DPP8: variants seen among roughly 807,000 people sequenced by gnomAD.
DPP8 encodes the protein dipeptidyl peptidase 8, also known as DPP VIII.
In DPP8, 31 loss-of-function variants were observed where a neutral mutation model predicts 107.5. That is an observed-to-expected ratio of 0.29 (90% confidence interval 0.22 to 0.39). The LOEUF is 0.39. Ranked by LOEUF, DPP8 falls within the 10% of genes least tolerant of loss-of-function variation. DPP8 has a pLI of 1.00. For missense variants in DPP8, 842 were observed against 1,076.1 expected (o/e 0.78, Z 3.04); for synonymous variants, 381 against 356.6 (o/e 1.07, Z -0.77).
chr15:65,512,507 T>C lies in DPP8; in HGVS notation c.47A>G (p.Glu16Gly), dbSNP rs758686723. ...AATATTCTCCTCACAGTCCGCAGTT[T>C]CAAATATCTCAACACCCAGCTGTTC... The part of the protein sequence containing the change: ...ETEQLGVEIF[E>G]TADCEENIES... The change falls in exon 2 of 20, where the codon GAA (glutamate) becomes GGA (glycine). Residue 16 changes from glutamate (E) to glycine (G), a missense_variant. This residue lies in a region of DPP8 where 663 missense variants were observed against 758.0 expected (regional missense o/e 0.87). Coordinates refer to ENST00000300141, the MANE Select transcript of DPP8 (RefSeq NM_130434.5). 1.9e-6 allele frequency: 3 copies of C among 1,614,152 alleles called. No homozygotes were observed. In the East Asian group the frequency reaches 6.7e-5, roughly 36 times the overall value.
chr15:65,517,672 G>C lies in DPP8; in HGVS notation c.-198C>G, dbSNP rs1438632715. 1 of 152,362 alleles carries C rather than the reference G, an allele frequency of 6.6e-6. No individual in the cohort carries two copies. Among genetic ancestry groups the C allele is most frequent in the Non-Finnish European group, 1.5e-5 (1 of 68,166 alleles). The allele number at this position is 152,362 out of a possible 1,614,324, so 9.4% of individuals were successfully genotyped here. A position where few individuals can be genotyped will look rare whatever the true frequency, so the allele number is the denominator to read the frequency against. On this transcript the variant is annotated 5_prime_UTR_variant, in exon 1 of 20. Coordinates refer to ENST00000300141, the MANE Select transcript of DPP8 (RefSeq NM_130434.5). ...CGGCAGTAGCAGCGGCCTTGGCCTC[G>C]GAGGCTTTAGCACTTCCGGTTCGTT...
At chr15:65,474,073 C>T (rs2066163643) in intron 12 of DPP8, 136 bp downstream of exon 12, 1 of 658,586 alleles carries the variant, frequency 1.5e-6, no homozygotes, top group East Asian at 2.8e-5. Flanking sequence ...CATTGCACTC[C>T]AGCCCTAGGC....
At chr15:65,475,424 A>G in intron 11 of DPP8, 1 of 1,572,888 alleles carries the variant, frequency 6.4e-7, no homozygotes, top group East Asian at 2.3e-5. Context: ...ACTCAAATAT[A>G]CCTTATTATG....
intron 7 of DPP8, among the ~76,000 whole-genome samples, chr15:65,486,471 C>A (rs1479447727): frequency 6.6e-6 from 1 of 151,838 alleles, no homozygotes; most frequent in African/African-American, 2.4e-5. Flanking sequence ...GGGAAAATGG[C>A]CTGAGCCCAG....
intron 5 of DPP8, among the ~76,000 whole-genome samples, chr15:65,492,939 T>A (rs620188): frequency 0.88 from 134,048 of 152,148 alleles, 59,853 homozygotes; most frequent in East Asian, 0.95. Flanking sequence ...TTTTGCTTAT[T>A]TATATTTTCT....
chr15:65,501,922 C>T (rs1007740918), intron 3 of DPP8, among the ~76,000 whole-genome samples: 8 of 152,336 alleles, frequency 5.3e-5, no homozygotes, highest in Admixed American at 5.2e-4. Flanking sequence ...AAAACTCTCA[C>T]TCTGTTGCCC....
At chr15:65,505,905 G>A (rs925604700) in intron 3 of DPP8, among the ~76,000 whole-genome samples, 2 of 148,860 alleles carry the variant, frequency 1.3e-5, no homozygotes, top group Non-Finnish European at 3.0e-5. Flanking sequence ...AGCCAAGATT[G>A]CGCCACTGCG....
chr15:65,465,594 C>T (rs558376046), intron 14 of DPP8, among the ~76,000 whole-genome samples: 4 of 139,316 alleles, frequency 2.9e-5, no homozygotes, highest in East Asian at 2.1e-4. Flanking sequence ...TTGACTCCGT[C>T]GCCCAGGCTG....
intron 12 of DPP8, among the ~76,000 whole-genome samples, chr15:65,471,519 T>TG (rs1357683439): frequency 1.3e-5 from 2 of 151,340 alleles, no homozygotes; most frequent in African/African-American, 4.9e-5. Context: ...GCCTATTTTT[T>TG]TTTTTTTTTT....
intron 2 of DPP8, among the ~76,000 whole-genome samples, chr15:65,511,559 G>A (rs1318956155): frequency 6.7e-6 from 1 of 149,172 alleles, no homozygotes; most frequent in Non-Finnish European, 1.5e-5. Flanking sequence ...AGGACTGTTT[G>A]AGCCTGGGAG....
rs371508113 is a variant in DPP8, at chr15:65,466,844, G to A, written c.1690-31C>T. On this transcript the variant is annotated intron_variant, in intron 13 of 19. Transcript: ENST00000300141. ...GAAAGGAGAAACAATTATATTTTTC[G>A]TCAGGAAGGTAGAAAAGGTTATCTG... 1.3e-4 allele frequency: 212 copies of A among 1,600,152 alleles called. 1 individual carries two copies. The highest frequency in any genetic ancestry group is 8.3e-4 in the Middle Eastern group (5 of 6,032).
chr15:65,469,872 A>G (rs1421998091), intron 12 of DPP8, among the ~76,000 whole-genome samples: 2 of 151,796 alleles, frequency 1.3e-5, no homozygotes, highest in Non-Finnish European at 2.9e-5. Flanking sequence ...TAAAAGTCTT[A>G]AAGCTTTACC....
chr15:65,480,236 C>T lies in DPP8; in HGVS notation c.1282G>A (p.Asp428Asn), dbSNP rs2066793540. 4 of 1,612,498 alleles carry T rather than the reference C, an allele frequency of 2.5e-6. No homozygotes were observed. Among genetic ancestry groups the T allele is most frequent in the South Asian group, 1.1e-5 (1 of 90,862 alleles). Residue 428 changes from aspartate to asparagine, a missense_variant, in exon 10 of 20, where the codon GAC (aspartate) becomes AAC (asparagine). Around this residue, in one of 2 missense-constraint regions of DPP8, gnomAD observed 663 missense variants for 758.0 expected, o/e 0.87. Transcript: ENST00000300141. ...TPLIIYEETTDIWINIHDIFH... is the reference protein window; with the variant it reads ...TPLIIYEETTNIWINIHDIFH... ...AAAATGCATACATTTATCCAGATGT[C>T]TGTTGTTTCTTCATAGATAATTAGT... is the stretch of plus-strand genomic sequence containing the variant.
intron 19 of DPP8, among the ~76,000 whole-genome samples, chr15:65,447,695 A>G (rs1167682205): frequency 6.6e-6 from 1 of 152,194 alleles, no homozygotes; most frequent in East Asian, 1.9e-4. Flanking sequence ...AATGACTGAC[A>G]ACTATGGTTA....
intron 8 of DPP8, among the ~76,000 whole-genome samples, chr15:65,482,863 G>C (rs1335479183): frequency 6.6e-6 from 1 of 151,856 alleles, no homozygotes. Context: ...TTGAGAGGCC[G>C]AGGCGGGCAA....
At chr15:65,447,681 A>T (rs2140295180) in intron 19 of DPP8, among the ~76,000 whole-genome samples, 1 of 152,312 alleles carries the variant, frequency 6.6e-6, no homozygotes, top group Non-Finnish European at 1.5e-5. Context: ...TTTTAACTTC[A>T]AAGAATGACT....
At chr15:65,476,460 T>C (rs1246860452) in intron 11 of DPP8, among the ~76,000 whole-genome samples, 1 of 152,064 alleles carries the variant, frequency 6.6e-6, no homozygotes, top group African/African-American at 2.4e-5. Context: ...GGAGGATGAC[T>C]TGGAGCAAGA....
intron 5 of DPP8, among the ~76,000 whole-genome samples, chr15:65,493,509 G>A (rs2068254702): frequency 6.6e-6 from 1 of 152,124 alleles, no homozygotes; most frequent in Non-Finnish European, 1.5e-5. Flanking sequence ...ACACTACACA[G>A]ATAAGCATAT....
intron 11 of DPP8, among the ~76,000 whole-genome samples, chr15:65,476,196 T>C (rs1205109208): frequency 1.3e-5 from 2 of 152,166 alleles, no homozygotes; most frequent in African/African-American, 4.8e-5. Flanking sequence ...GCCTAGGTGG[T>C]GAGGCTGTAT....
Sources: gnomAD v4.1 joint callset for allele counts (sites outside exome capture counted in the v4.1 genomes callset) on GRCh38, gnomAD v4.1.1 for gene constraint, gnomAD v4.1.1 regional missense constraint, MANE v1.5 for transcripts, NCBI Gene and HGNC (gene_info 2026-07-23, HGNC 2026-07-21) for gene names.